The following WHAMM variants were observed in gnomAD, a reference collection of about 807,000 sequenced individuals.
The protein encoded by WHAMM is WASP homolog associated with actin, golgi membranes and microtubules, also known as WASP homolog-associated protein with actin, membranes and microtubules.
Under a neutral mutation model 76.5 loss-of-function variants are expected in WHAMM, and 67 were observed. The ratio of observed to expected loss-of-function variants is 0.88; its 90% confidence interval spans 0.72 to 1.07. The LOEUF (loss-of-function observed/expected upper bound fraction) is 1.07, where lower values mean the gene tolerates loss of function less well. Ranked by LOEUF, WHAMM falls within the 50% of genes least tolerant of loss-of-function variation. WHAMM has a pLI of 0.00. For missense variants in WHAMM, 1,021 were observed against 1,051.1 expected (o/e 0.97, Z 0.40); for synonymous variants, 419 against 422.1 (o/e 0.99, Z 0.09).
At position 82,817,325 on chromosome 15, in the gene WHAMM, G is replaced by A. The variant is rs1444651988; in HGVS notation, c.934+483G>A. Among the ~76,000 whole-genome samples, 5 of 152,332 alleles carry A rather than the reference G, an allele frequency of 3.3e-5. No homozygotes were observed. The East Asian group carries it at 9.6e-4, about 29-fold the overall frequency. On this transcript the variant is annotated intron_variant, in intron 3 of 9. Coordinates refer to ENST00000286760, the MANE Select transcript of WHAMM (RefSeq NM_001080435.3). ...ATCGCAGAGAGTGCAGGACAGTGTGGTATGAGGGAAAATGCTGGCCAGACA... is the reference window on the plus strand; with the variant it reads ...ATCGCAGAGAGTGCAGGACAGTGTGATATGAGGGAAAATGCTGGCCAGACA...
intron 5 of WHAMM, among the ~76,000 whole-genome samples, chr15:82,822,448 TA>T (rs1405702099): frequency 6.6e-6 from 1 of 152,228 alleles, no homozygotes; most frequent in Non-Finnish European, 1.5e-5. Context: ...AATTTTTTTT[TA>T]TTTTTGGAGA....
intron 1 of WHAMM, 73 bp from the exon 2 acceptor site, chr15:82,813,030 G>T: frequency 8.5e-7 from 1 of 1,171,456 alleles, no homozygotes; most frequent in Non-Finnish European, 1.1e-6. Flanking sequence ...GGTTTCTTTT[G>T]TTTAGTTTTG....
chr15:82,826,250 C>G, intron 6 of WHAMM, 160 bp from the exon 7 acceptor site: 2 of 645,184 alleles, frequency 3.1e-6, no homozygotes, highest in South Asian at 1.9e-5. Flanking sequence ...CAACCCTCAT[C>G]ATAGACTGCG....
intron 3 of WHAMM, 73 bp from the exon 4 acceptor site, chr15:82,817,847 A>G: frequency 7.8e-7 from 1 of 1,287,754 alleles, no homozygotes; most frequent in Non-Finnish European, 1.0e-6. Context: ...GGCAATAAAA[A>G]AAGGATTAGC....
chr15:82,815,125 AT>A lies in WHAMM; in HGVS notation c.784-1566del, dbSNP rs1383407071. Among the ~76,000 whole-genome samples the A allele has an allele frequency of 9.5e-4, 22 of 23,248 alleles. No individual in the cohort carries two copies. In the South Asian group the frequency reaches 0.011, roughly 12 times the overall value. The allele number at this position is 23,248 out of a possible 152,430, so 15.3% of individuals were successfully genotyped here. A position where few individuals can be genotyped will look rare whatever the true frequency, so the allele number is the denominator to read the frequency against. On this transcript the variant is annotated intron_variant, in intron 2 of 9. Coordinates refer to ENST00000286760, the MANE Select transcript of WHAMM (RefSeq NM_001080435.3). ...ACTCACAGATTTTATATATATATAT[AT>A]ATATATATATATATATATATATATA...
intron 8 of WHAMM, among the ~76,000 whole-genome samples, chr15:82,828,908 C>T (rs17158263): frequency 0.32 from 48,283 of 151,968 alleles, 7,731 homozygotes; most frequent in Middle Eastern, 0.37. Context: ...ACCTGTGTGA[C>T]GAAAGCTCAT....
At position 82,823,304 on chromosome 15, in the gene WHAMM, C is replaced by T. The variant is rs189926612; in HGVS notation, c.1458+17C>T. 8.1e-5 allele frequency: 113 copies of T among 1,394,454 alleles called. No individual in the cohort carries two copies. Among genetic ancestry groups the T allele is most frequent in the African/African-American group, 5.1e-4 (35 of 68,488 alleles). The allele number at this position is 1,394,454 out of a possible 1,614,324, so 86.4% of individuals were successfully genotyped here. On this transcript the variant is annotated intron_variant, in intron 6 of 9. Transcript: ENST00000286760. Reference sequence around the variant, plus strand: ...AGTAGAAAGGTAGGTACGCTCAGAGCGGCTTTCTTTTCTTTTCTCTTTCAG... The same window carrying T: ...AGTAGAAAGGTAGGTACGCTCAGAGTGGCTTTCTTTTCTTTTCTCTTTCAG...
chr15:82,832,641 A>G (rs2051048850), intron 9 of WHAMM, among the ~76,000 whole-genome samples: 1 of 152,218 alleles, frequency 6.6e-6, no homozygotes, highest in African/African-American at 2.4e-5. Context: ...AAAATGTGCC[A>G]GCACCACCCC....
intron 8 of WHAMM, among the ~76,000 whole-genome samples, chr15:82,827,939 T>C (rs576881743): frequency 8.1e-4 from 124 of 152,148 alleles, no homozygotes; most frequent in African/African-American, 2.9e-3. Flanking sequence ...AGTGAGACTC[T>C]TCTGTCTCAA....
chr15:82,830,305 T>C (rs150128082), intron 8 of WHAMM, among the ~76,000 whole-genome samples: 265 of 152,306 alleles, frequency 1.7e-3, no homozygotes, highest in African/African-American at 6.3e-3. Context: ...TATTTTAGCA[T>C]TTCTAATTTT....
chr15:82,811,338 G>A (rs2050625186), intron 1 of WHAMM, among the ~76,000 whole-genome samples: 1 of 152,156 alleles, frequency 6.6e-6, no homozygotes, highest in Non-Finnish European at 1.5e-5. Context: ...CTTAGGATAT[G>A]AGGAACCCAC....
chr15:82,810,631 G>T (rs1474988966), intron 1 of WHAMM: 52 of 985,354 alleles, frequency 5.3e-5, no homozygotes, highest in Non-Finnish European at 5.8e-5. Context: ...GCAGGATGTT[G>T]TAACAGGAAA....
chr15:82,828,032 C>T (rs2050965628), intron 8 of WHAMM, among the ~76,000 whole-genome samples: 1 of 152,154 alleles, frequency 6.6e-6, no homozygotes, highest in African/African-American at 2.4e-5. Flanking sequence ...CATTCCCCAG[C>T]CCCTTCACAA....
intron 5 of WHAMM, among the ~76,000 whole-genome samples, chr15:82,820,878 G>C (rs1343608353): frequency 7.1e-6 from 1 of 141,122 alleles, no homozygotes; most frequent in African/African-American, 2.7e-5. Flanking sequence ...CTGGGCGGCA[G>C]AGTGTAAGAC....
In WHAMM at chr15:82,810,404, C is replaced by G. The variant is rs920585462; in HGVS notation, c.609+69C>G. 3.2e-6 allele frequency: 4 copies of G among 1,232,290 alleles called. No individual in the cohort carries two copies. The South Asian group carries it at 1.3e-4, about 41-fold the overall frequency. The allele number at this position is 1,232,290 out of a possible 1,614,324, so 76.3% of individuals were successfully genotyped here. A position where few individuals can be genotyped will look rare whatever the true frequency, so the allele number is the denominator to read the frequency against. On this transcript the variant is annotated intron_variant, in intron 1 of 9. Transcript: ENST00000286760. ...CCTGGGACACTGTGGGAGGCTCCCC[C>G]GGCGCCGAGAGCCCTGGCTGACGGC...
chr15:82,812,956 G>T, intron 1 of WHAMM, 147 bp from the exon 2 acceptor site: 1 of 588,230 alleles, frequency 1.7e-6, no homozygotes, highest in Non-Finnish European at 2.8e-6. Flanking sequence ...TTTGATGGAG[G>T]ATGATAACAT....
chr15:82,822,578 T>A (rs1159130826), intron 5 of WHAMM, among the ~76,000 whole-genome samples: 1 of 152,218 alleles, frequency 6.6e-6, no homozygotes, highest in Non-Finnish European at 1.5e-5. Context: ...GCTCGGATTA[T>A]AGGCATGCGC....
rs910253438 is a variant in WHAMM at position 82,818,739 on chromosome 15, A to T, written c.1105-584A>T. On this transcript the variant is annotated intron_variant, in intron 4 of 9. Coordinates refer to ENST00000286760, the MANE Select transcript of WHAMM (RefSeq NM_001080435.3). Reference sequence around the variant, plus strand: ...CTTCTATAACAAGATTAAATATCACAGATTGGGTGGCTTAAACAACGGACA... The same window carrying T: ...CTTCTATAACAAGATTAAATATCACTGATTGGGTGGCTTAAACAACGGACA... Among the ~76,000 whole-genome samples, 12 of 152,228 alleles carry T rather than the reference A, an allele frequency of 7.9e-5. No homozygotes were observed. The South Asian group carries it at 8.3e-4, about 11-fold the overall frequency.
At chr15:82,826,313 C>CACTAT in intron 6 of WHAMM, 97 bp from the exon 7 acceptor site, 1 of 1,289,676 alleles carries the variant, frequency 7.8e-7, no homozygotes, top group Non-Finnish European at 1.1e-6. Context: ...GAATGCCTTA[C>CACTAT]ACTATAGCCC....
Sources: gnomAD v4.1 joint callset for allele counts (sites outside exome capture counted in the v4.1 genomes callset) on GRCh38, gnomAD v4.1.1 for gene constraint, MANE v1.5 for transcripts, NCBI Gene and HGNC (gene_info 2026-07-23, HGNC 2026-07-21) for gene names.